The following DENND1A variants were observed in gnomAD, a reference collection of about 807,000 sequenced individuals.
DENND1A encodes DENN domain containing 1A, also known as DENN domain-containing protein 1A.
DENND1A carries 51 observed loss-of-function variants against 113.7 expected under a neutral mutation model. The ratio of observed to expected loss-of-function variants is 0.45; its 90% CI spans 0.36 to 0.57. DENND1A has a LOEUF of 0.57. DENND1A is among the 20% of genes least tolerant of loss of function. DENND1A has a pLI of 0.00. For synonymous variants in DENND1A, 565 were observed against 570.8 expected (o/e 0.99, Z 0.14); for missense variants, 1,258 against 1,395.9 (o/e 0.90, Z 1.57).
intron 5 of DENND1A, among the ~76,000 whole-genome samples, chr9:123,724,046 AAAG>A (rs1370090618): frequency 6.6e-6 from 1 of 152,194 alleles, no homozygotes; most frequent in Non-Finnish European, 1.5e-5. Flanking sequence ...TCAGCTTGTT[AAAG>A]AAGAACATCC....
intron 2 of DENND1A, among the ~76,000 whole-genome samples, chr9:123,796,751 G>GTACA (rs1374659540): frequency 1.4e-4 from 15 of 108,442 alleles, no homozygotes; most frequent in African/African-American, 7.2e-4. Context: ...ACTCCTATGT[G>GTACA]TACATACACA....
At chr9:123,905,081 C>A (rs867402328) in intron 1 of DENND1A, among the ~76,000 whole-genome samples, 4 of 151,850 alleles carry the variant, frequency 2.6e-5, no homozygotes, top group African/African-American at 2.4e-5. Context: ...GAATTTTCAA[C>A]CCAGAATTTC....
intron 12 of DENND1A, among the ~76,000 whole-genome samples, chr9:123,565,646 C>T (rs147402273): frequency 1.1e-4 from 16 of 152,220 alleles, no homozygotes; most frequent in Admixed American, 3.3e-4. Flanking sequence ...GGAATGTGTG[C>T]GTCTGGAGAG....
intron 13 of DENND1A, among the ~76,000 whole-genome samples, chr9:123,545,806 T>C (rs1470111600): frequency 6.6e-6 from 1 of 152,146 alleles, no homozygotes; most frequent in Non-Finnish European, 1.5e-5. Context: ...AGTCTAGCTA[T>C]GCATATGAAG....
At chr9:123,627,610 C>T (rs964486594) in intron 10 of DENND1A, among the ~76,000 whole-genome samples, 1 of 151,936 alleles carries the variant, frequency 6.6e-6, no homozygotes, top group African/African-American at 2.4e-5. Context: ...TGTGATGGTA[C>T]GCGCCTGTAA....
At chr9:123,830,633 G>T (rs573026523) in intron 2 of DENND1A, among the ~76,000 whole-genome samples, 2 of 152,080 alleles carry the variant, frequency 1.3e-5, no homozygotes, top group East Asian at 1.9e-4. Context: ...GGGAGGCCGA[G>T]GGGGGCGGAC....
chr9:123,901,032 C>T (rs535845563), intron 1 of DENND1A, among the ~76,000 whole-genome samples: 1 of 152,268 alleles, frequency 6.6e-6, no homozygotes, highest in South Asian at 2.1e-4. Context: ...TATTTTTATA[C>T]TAACAGACAG....
chr9:123,907,741 G>A (rs1489605379), intron 1 of DENND1A, among the ~76,000 whole-genome samples: 3 of 146,816 alleles, frequency 2.0e-5, no homozygotes, highest in Non-Finnish European at 4.5e-5. Context: ...TAGGTAGGAA[G>A]AATCAATATC....
intron 2 of DENND1A, among the ~76,000 whole-genome samples, chr9:123,810,267 T>C (rs1436417359): frequency 6.6e-6 from 1 of 152,156 alleles, no homozygotes; most frequent in Non-Finnish European, 1.5e-5. Flanking sequence ...GCAAGGCAAC[T>C]CTTTTCTGGG....
intron 10 of DENND1A, among the ~76,000 whole-genome samples, chr9:123,609,883 A>C (rs1472432992): frequency 6.6e-6 from 1 of 152,252 alleles, no homozygotes; most frequent in African/African-American, 2.4e-5. Context: ...TATTGCCATG[A>C]TTACAACAGA....
chr9:123,401,663 A>C, intron 21 of DENND1A: 1 of 1,476,062 alleles, frequency 6.8e-7, no homozygotes. Context: ...TATTAAACAA[A>C]CAACAAACCA....
chr9:123,464,994 C>CAAA (rs10655282), intron 13 of DENND1A, among the ~76,000 whole-genome samples: 2,847 of 70,516 alleles, frequency 0.04, 158 homozygotes, highest in East Asian at 0.073. Flanking sequence ...ACTAAAAATA[C>CAAA]AAAAAAAAAA....
At chr9:123,586,882 G>A (rs548869199) in intron 11 of DENND1A, among the ~76,000 whole-genome samples, 7 of 152,214 alleles carry the variant, frequency 4.6e-5, no homozygotes, top group African/African-American at 1.2e-4. Flanking sequence ...AAGTGGGGGC[G>A]CAGAGAGGTC....
intron 2 of DENND1A, among the ~76,000 whole-genome samples, chr9:123,814,206 C>T (rs534261176): frequency 3.3e-5 from 5 of 152,126 alleles, no homozygotes; most frequent in East Asian, 1.9e-4. Flanking sequence ...GTATGTAACA[C>T]GGACATTAAT....
intron 3 of DENND1A, among the ~76,000 whole-genome samples, chr9:123,770,691 C>A (rs1412120239): frequency 6.6e-6 from 1 of 152,136 alleles, no homozygotes; most frequent in African/African-American, 2.4e-5. Context: ...AAATGAAGAA[C>A]ACATTTTTCA....
intron 13 of DENND1A, among the ~76,000 whole-genome samples, chr9:123,554,797 T>G (rs370881306): frequency 6.6e-6 from 1 of 152,224 alleles, no homozygotes; most frequent in East Asian, 1.9e-4. Context: ...CTTTTCCCTT[T>G]CTTAATGGTA....
intron 13 of DENND1A, among the ~76,000 whole-genome samples, chr9:123,475,919 C>T (rs1443434288): frequency 6.6e-6 from 1 of 152,182 alleles, no homozygotes; most frequent in African/African-American, 2.4e-5. Context: ...CATGGTGGCT[C>T]ATGCCTGGAA....
intron 20 of DENND1A, among the ~76,000 whole-genome samples, chr9:123,407,431 G>A (rs749824122): frequency 1.3e-5 from 2 of 151,952 alleles, no homozygotes; most frequent in East Asian, 1.9e-4. Context: ...GAAGGCACAC[G>A]TATGACTCAC....
chr9:123,890,915 AC>A (rs781125391), intron 1 of DENND1A, among the ~76,000 whole-genome samples: 6 of 152,164 alleles, frequency 3.9e-5, no homozygotes, highest in Non-Finnish European at 8.8e-5. Context: ...AGTTCAAGGA[AC>A]TTGGGCAACT....
Sources: allele counts gnomAD v4.1 joint callset (sites outside exome capture counted in the v4.1 genomes callset), GRCh38; gene constraint gnomAD v4.1.1; transcripts MANE v1.5; gene names NCBI Gene and HGNC (gene_info 2026-07-23, HGNC 2026-07-21).